TTLL13: variants seen among roughly 807,000 people sequenced by gnomAD.
The protein encoded by TTLL13 is tubulin polyglutamylase TTLL13.
chr15:90,262,096 T>C, the TTLL13 span: 6 of 1,536,124 alleles, frequency 3.9e-6, no homozygotes, highest in Admixed American at 2.0e-5. Context: ...GGATCTACCC[T>C]GGGCCTGACA....
the TTLL13 span, chr15:90,263,252 T>A: frequency 9.3e-7 from 1 of 1,074,100 alleles, no homozygotes; most frequent in Non-Finnish European, 1.3e-6. Context: ...TATCTGTCAG[T>A]GGAGCCTGGG....
chr15:90,258,401 T>G, the TTLL13 span: 4 of 794,844 alleles, frequency 5.0e-6, no homozygotes, highest in Non-Finnish European at 8.3e-6. Flanking sequence ...TGGGCAGGAA[T>G]GAGCAGAAGG....
chr15:90,262,519 G>A, the TTLL13 span: 2 of 1,517,850 alleles, frequency 1.3e-6, no homozygotes, highest in Non-Finnish European at 1.8e-6. Context: ...TCCGCCTTAA[G>A]CAGGAACAGC....
chr15:90,259,600 T>G, the TTLL13 span, among the ~76,000 whole-genome samples: 7 of 152,216 alleles, frequency 4.6e-5, no homozygotes, highest in African/African-American at 1.7e-4. Flanking sequence ...AGGCATAACT[T>G]TCACACTGTC....
At chr15:90,251,824 G>GAA in the TTLL13 span, among the ~76,000 whole-genome samples, 4,112 of 130,582 alleles carry the variant, frequency 0.031, 464 homozygotes, top group East Asian at 0.38. Context: ...CAGTAAACAA[G>GAA]AAAAAAAAAA....
At chr15:90,258,047 G>C in the TTLL13 span, 1 of 1,613,988 alleles carries the variant, frequency 6.2e-7, no homozygotes, top group South Asian at 1.1e-5. Flanking sequence ...GGAAGCTGTC[G>C]ACACTCAACA....
the TTLL13 span, chr15:90,258,890 C>T: frequency 2.6e-5 from 42 of 1,614,050 alleles, no homozygotes; most frequent in South Asian, 2.0e-4. Context: ...AGTCAAGGAA[C>T]GGCTTTTCCA....
At chr15:90,258,615 G>C in the TTLL13 span, 1 of 797,096 alleles carries the variant, frequency 1.3e-6, no homozygotes, top group African/African-American at 1.7e-5. Flanking sequence ...TTGGAAGCCA[G>C]AGCATCCAGC....
chr15:90,251,402 G>T, the TTLL13 span: 2 of 764,322 alleles, frequency 2.6e-6, no homozygotes, highest in Non-Finnish European at 4.5e-6. Context: ...GGGATTACAG[G>T]CATGAGCCAC....
At chr15:90,257,455 C>T in the TTLL13 span, among the ~76,000 whole-genome samples, 1 of 152,122 alleles carries the variant, frequency 6.6e-6, no homozygotes, top group African/African-American at 2.4e-5. Flanking sequence ...GAGAAAAGGT[C>T]AGCACCCGGA....
the TTLL13 span, among the ~76,000 whole-genome samples, chr15:90,251,824 G>A: frequency 6.4e-3 from 836 of 130,024 alleles, no homozygotes; most frequent in Middle Eastern, 8.1e-3. Flanking sequence ...CAGTAAACAA[G>A]AAAAAAAAAA....
At chr15:90,257,259 T>C in the TTLL13 span, 15 of 1,613,086 alleles carry the variant, frequency 9.3e-6, no homozygotes, top group East Asian at 4.5e-5. Flanking sequence ...ACGCCCTATA[T>C]GGAGCCCAGC....
chr15:90,252,989 T>G, the TTLL13 span, among the ~76,000 whole-genome samples: 1 of 151,988 alleles, frequency 6.6e-6, no homozygotes, highest in Non-Finnish European at 1.5e-5. Context: ...AGGGCGAAAC[T>G]CCGTCTCTAA....
At chr15:90,263,998 T>C in the TTLL13 span, 1 of 1,536,070 alleles carries the variant, frequency 6.5e-7, no homozygotes, top group Non-Finnish European at 8.7e-7. Context: ...CTCCTGTTCA[T>C]TGTCAATGAA....
the TTLL13 span, chr15:90,250,502 A>G: frequency 8.4e-7 from 1 of 1,185,252 alleles, no homozygotes; most frequent in Non-Finnish European, 1.2e-6. Context: ...CTGAAGGGGC[A>G]GCAACTTTCC....
the TTLL13 span, among the ~76,000 whole-genome samples, chr15:90,251,042 A>G: frequency 6.6e-6 from 1 of 151,992 alleles, no homozygotes; most frequent in Non-Finnish European, 1.5e-5. Context: ...TTGATACAAC[A>G]GAAACAAAAT....
the TTLL13 span, chr15:90,262,398 G>C: frequency 7.6e-7 from 1 of 1,318,920 alleles, no homozygotes; most frequent in South Asian, 1.6e-5. Context: ...AGAACAGATT[G>C]TAATTTCCTG....
the TTLL13 span, chr15:90,264,104 C>A: frequency 8.1e-7 from 1 of 1,237,796 alleles, no homozygotes. Context: ...TATGTAAATC[C>A]CACTAGCAAG....
chr15:90,255,969 T>C, the TTLL13 span: 1 of 1,598,214 alleles, frequency 6.3e-7, no homozygotes, highest in Non-Finnish European at 8.6e-7. Context: ...GACCTAGGAA[T>C]GTCTCAGAGG....
Sources: allele counts gnomAD v4.1 joint callset (sites outside exome capture counted in the v4.1 genomes callset), GRCh38; gene constraint gnomAD v4.1.1; transcripts MANE v1.5; gene names NCBI Gene and HGNC (gene_info 2026-07-23, HGNC 2026-07-21).